The following PCSK5 variants were observed in gnomAD, a reference collection of about 807,000 sequenced individuals.
PCSK5 encodes prohormone convertase 5.
In PCSK5, 129 loss-of-function variants were observed where a neutral mutation model predicts 233.2. The observed-to-expected ratio is 0.55, with a 90% CI of 0.48 to 0.64. The LOEUF is 0.64. Among genes scored for constraint, PCSK5 ranks in the 30% least tolerant of loss-of-function variants. The pLI, the probability that PCSK5 is intolerant of heterozygous loss-of-function variation, is 0.00. For synonymous variants in PCSK5, 825 were observed against 879.2 expected (o/e 0.94, Z 1.09); for missense variants, 2,076 against 2,430.1 (o/e 0.85, Z 3.06).
intron 35 of PCSK5, among the ~76,000 whole-genome samples, chr9:76,345,555 A>G (rs1488928174): frequency 6.6e-6 from 1 of 151,942 alleles, no homozygotes; most frequent in African/African-American, 2.4e-5. Context: ...AGTAGCTGGG[A>G]CTACAGGCGC....
intron 28 of PCSK5, among the ~76,000 whole-genome samples, chr9:76,302,482 G>T (rs1223623088): frequency 6.6e-6 from 1 of 152,134 alleles, no homozygotes; most frequent in African/African-American, 2.4e-5. Flanking sequence ...GGTCATGGCT[G>T]GCAGAGGCTA....
chr9:76,228,714 C>A (rs1404073393), intron 21 of PCSK5, among the ~76,000 whole-genome samples: 2 of 152,194 alleles, frequency 1.3e-5, no homozygotes, highest in Non-Finnish European at 2.9e-5. Flanking sequence ...CACTGCCCTG[C>A]CCAACGCAAA....
intron 1 of PCSK5, among the ~76,000 whole-genome samples, chr9:75,902,214 TAAAAAAAAA>T (rs200579439): frequency 5.6e-4 from 30 of 53,290 alleles, no homozygotes; most frequent in African/African-American, 1.7e-3. Flanking sequence ...AGACACCATC[TAAAAAAAAA>T]AAAAAAAAAA....
At chr9:75,911,345 C>T (rs992487491) in intron 1 of PCSK5, among the ~76,000 whole-genome samples, 1 of 150,850 alleles carries the variant, frequency 6.6e-6, no homozygotes, top group Non-Finnish European at 1.5e-5. Flanking sequence ...TGTAGTCTCT[C>T]ACCTGTGGAA....
intron 3 of PCSK5, among the ~76,000 whole-genome samples, chr9:76,003,124 G>A (rs1827330275): frequency 6.6e-6 from 1 of 152,198 alleles, no homozygotes; most frequent in Non-Finnish European, 1.5e-5. Context: ...GTCTACAGAG[G>A]ACTACGAGGC....
At chr9:76,286,139 C>T (rs1564156957) in intron 24 of PCSK5, among the ~76,000 whole-genome samples, 1 of 152,098 alleles carries the variant, frequency 6.6e-6, no homozygotes, top group East Asian at 1.9e-4. Context: ...TCCTGCAGGT[C>T]ATTTTTCCCC....
intron 13 of PCSK5, among the ~76,000 whole-genome samples, chr9:76,173,136 C>G: frequency 6.6e-6 from 1 of 152,194 alleles, no homozygotes; most frequent in South Asian, 2.1e-4. Flanking sequence ...TATATTGGGA[C>G]TGTTAGTACC....
chr9:76,255,430 ACAGAGG>A (rs1369976804), intron 24 of PCSK5, among the ~76,000 whole-genome samples: 1 of 152,228 alleles, frequency 6.6e-6, no homozygotes, highest in African/African-American at 2.4e-5. Context: ...GGAAGCTGAA[ACAGAGG>A]CAGATACATT....
rs116083110 is a variant in PCSK5 at position 76,040,571 on chromosome 9, A to C, written c.632+13534A>C. ...CAGTTACAGCAAAGAACCAGAGATT[A>C]AATGTCATTACCAGTGCCCCCTTTT... On this transcript the variant is annotated intron_variant, in intron 5 of 37. Transcript: ENST00000674117. Among the ~76,000 whole-genome samples, 440 of 152,308 alleles carry C rather than the reference A, an allele frequency of 2.9e-3. 2 individuals carry two copies. The highest frequency in any genetic ancestry group is 0.01 in the African/African-American group (427 of 41,562).
chr9:76,090,982 G>T (rs115519969), intron 7 of PCSK5, among the ~76,000 whole-genome samples: 1 of 151,866 alleles, frequency 6.6e-6, no homozygotes, highest in Non-Finnish European at 1.5e-5. Flanking sequence ...AGGTTCGAGC[G>T]CCTGTGAGAA....
chr9:76,250,434 T>C (rs1323656097), intron 24 of PCSK5, among the ~76,000 whole-genome samples: 2 of 152,196 alleles, frequency 1.3e-5, no homozygotes, highest in Admixed American at 6.5e-5. Context: ...ACGTCATACA[T>C]GTGATAAAGG....
chr9:76,341,980 G>A (rs867244732), intron 35 of PCSK5, among the ~76,000 whole-genome samples: 5 of 152,218 alleles, frequency 3.3e-5, no homozygotes, highest in Middle Eastern at 3.2e-3. Context: ...TAGAAAAGGT[G>A]AGCTCACAGT....
At chr9:76,175,218 AATGAAATGG>A in intron 14 of PCSK5, 89 bp downstream of exon 14, 1 of 541,144 alleles carries the variant, frequency 1.8e-6, no homozygotes, top group Non-Finnish European at 3.3e-6. Context: ...AATGGAATGG[AATGAAATGG>A]AATGGAATGA....
At chr9:76,232,733 G>A (rs1460794458) in intron 21 of PCSK5, among the ~76,000 whole-genome samples, 1 of 152,174 alleles carries the variant, frequency 6.6e-6, no homozygotes, top group East Asian at 1.9e-4. Context: ...GAATAATGAA[G>A]CAAAACTATA....
intron 24 of PCSK5, among the ~76,000 whole-genome samples, chr9:76,253,347 T>C (rs1271951959): frequency 6.6e-6 from 1 of 151,642 alleles, no homozygotes; most frequent in Non-Finnish European, 1.5e-5. Flanking sequence ...AGAAACAAGC[T>C]CCATTAAACA....
At chr9:76,132,860 C>T (rs1373331677) in intron 9 of PCSK5, among the ~76,000 whole-genome samples, 1 of 151,998 alleles carries the variant, frequency 6.6e-6, no homozygotes, top group Non-Finnish European at 1.5e-5. Context: ...CCCCTTCTTA[C>T]TAGAAGGCCG....
chr9:76,257,433 C>T (rs899947772), intron 24 of PCSK5, among the ~76,000 whole-genome samples: 7 of 152,154 alleles, frequency 4.6e-5, no homozygotes, highest in Non-Finnish European at 7.4e-5. Flanking sequence ...GTTGGGCCAA[C>T]GATGAGTGTC....
chr9:76,158,610 T>A (rs1336241494), intron 11 of PCSK5, among the ~76,000 whole-genome samples: 1 of 152,170 alleles, frequency 6.6e-6, no homozygotes, highest in Non-Finnish European at 1.5e-5. Flanking sequence ...ATTCCATAGA[T>A]CAGCTACGTC....
At chr9:76,254,809 A>G (rs1007602946) in intron 24 of PCSK5, among the ~76,000 whole-genome samples, 1 of 152,244 alleles carries the variant, frequency 6.6e-6, no homozygotes, top group Non-Finnish European at 1.5e-5. Context: ...ACATGGGGAT[A>G]TAAAGATGAA....
Sources: allele counts gnomAD v4.1 joint callset (sites outside exome capture counted in the v4.1 genomes callset), GRCh38; gene constraint gnomAD v4.1.1; transcripts MANE v1.5; gene names NCBI Gene and HGNC (gene_info 2026-07-23, HGNC 2026-07-21).